Variants in SLC39A8 observed in about 807,000 individuals in gnomAD.
The protein encoded by SLC39A8 is solute carrier family 39 member 8.
A neutral mutation model predicts 40.4 loss-of-function variants in SLC39A8; 15 were observed. That is an observed-to-expected ratio of 0.37 (90% CI 0.25 to 0.57). The LOEUF (loss-of-function observed/expected upper bound fraction) is 0.57. SLC39A8 is among the 20% of genes least tolerant of loss of function. The pLI is 0.75. For synonymous variants in SLC39A8, 223 were observed against 221.6 expected (o/e 1.01, Z -0.06); for missense variants, 472 against 558.8 (o/e 0.84, Z 1.57).
intron 6 of SLC39A8, among the ~76,000 whole-genome samples, chr4:102,301,597 T>C (rs1451499504): frequency 1.3e-5 from 2 of 152,080 alleles, no homozygotes; most frequent in Non-Finnish European, 2.9e-5. Flanking sequence ...GAACAGGAAC[T>C]CAATAAATGT....
intron 6 of SLC39A8, among the ~76,000 whole-genome samples, chr4:102,280,491 T>C (rs566278875): frequency 6.6e-6 from 1 of 152,222 alleles, no homozygotes; most frequent in East Asian, 1.9e-4. Flanking sequence ...TTAAAAAGAG[T>C]TAAACGCATT....
intron 4 of SLC39A8, among the ~76,000 whole-genome samples, 168 bp downstream of exon 4, chr4:102,307,268 A>C (rs1007791295): frequency 6.6e-6 from 1 of 152,094 alleles, no homozygotes; most frequent in African/African-American, 2.4e-5. Context: ...TATCCACTGC[A>C]GCTTGGGACA....
intron 2 of SLC39A8, among the ~76,000 whole-genome samples, chr4:102,323,634 C>T (rs1578616511): frequency 1.3e-5 from 2 of 152,150 alleles, no homozygotes; most frequent in African/African-American, 2.4e-5. Context: ...ATGCTTAACA[C>T]GTATAACCTC....
chr4:102,257,153 A>G (rs988080063), downstream of SLC39A8, among the ~76,000 whole-genome samples: 2 of 151,294 alleles, frequency 1.3e-5, no homozygotes, highest in East Asian at 1.9e-4. Context: ...TGGATTTTCT[A>G]TGTCTTTTTT....
chr4:102,344,843 T>C lies in SLC39A8; in HGVS notation c.-181A>G. On this transcript the variant is annotated 5_prime_UTR_variant, in exon 2 of 9. Transcript: ENST00000356736. ...TTCGAAAGAACAGCAGCTCGCGACC[T>C]GCGGGGCATTGAAGTGGCAGCGTAG... is the stretch of plus-strand genomic sequence containing the variant. The C allele has an allele frequency of 1.5e-6, 2 of 1,316,858 alleles. No homozygotes were observed. The highest frequency in any genetic ancestry group is 9.6e-7 in the Non-Finnish European group (1 of 1,038,416). The allele number at this position is 1,316,858 out of a possible 1,614,324, so 81.6% of individuals were successfully genotyped here.
chr4:102,284,101 T>C (rs549760567), intron 6 of SLC39A8, among the ~76,000 whole-genome samples: 2 of 152,332 alleles, frequency 1.3e-5, no homozygotes, highest in East Asian at 3.9e-4. Context: ...TTAAAATTTA[T>C]TTTTGTATTT....
At chr4:102,294,082 A>C (rs12649383) in intron 6 of SLC39A8, among the ~76,000 whole-genome samples, 35,926 of 151,806 alleles carry the variant, frequency 0.24, 4,932 homozygotes, top group East Asian at 0.41. Flanking sequence ...AAAATAAATT[A>C]AACTTAAAAT....
At chr4:102,271,353 T>G (rs560140579) in intron 6 of SLC39A8, among the ~76,000 whole-genome samples, 1 of 152,018 alleles carries the variant, frequency 6.6e-6, no homozygotes, top group Non-Finnish European at 1.5e-5. Context: ...GAGGATAGCT[T>G]CAGTAATAAA....
At chr4:102,307,669 T>C in intron 3 of SLC39A8, 64 bp from the exon 4 acceptor site, 1 of 1,512,272 alleles carries the variant, frequency 6.6e-7, no homozygotes, top group Non-Finnish European at 9.0e-7. Context: ...GATGTTTTCC[T>C]GTACATTAAG....
intron 6 of SLC39A8, among the ~76,000 whole-genome samples, chr4:102,298,174 TA>T (rs201776889): frequency 3.6e-4 from 53 of 147,384 alleles, no homozygotes; most frequent in Non-Finnish European, 6.6e-4. Context: ...TGTGGAGTAA[TA>T]AAAAAAAAAC....
intron 2 of SLC39A8, among the ~76,000 whole-genome samples, chr4:102,341,076 G>GAA (rs397811698): frequency 6.6e-6 from 1 of 151,914 alleles, no homozygotes; most frequent in Admixed American, 6.6e-5. Flanking sequence ...TGCCAGCTGA[G>GAA]ACAGTTCATG....
intron 2 of SLC39A8, among the ~76,000 whole-genome samples, chr4:102,322,186 C>G (rs1734994436): frequency 6.6e-6 from 1 of 152,114 alleles, no homozygotes; most frequent in Non-Finnish European, 1.5e-5. Flanking sequence ...TCCACTAGTC[C>G]TGCTGTGAGT....
chr4:102,344,849 G>A lies in SLC39A8; in HGVS notation c.-187C>T. On this transcript the variant is annotated 5_prime_UTR_variant, in exon 2 of 9. Transcript: ENST00000356736. ...AGAACAGCAGCTCGCGACCTGCGGGGCATTGAAGTGGCAGCGTAGCCGAGG... is the reference window on the plus strand; with the variant it reads ...AGAACAGCAGCTCGCGACCTGCGGGACATTGAAGTGGCAGCGTAGCCGAGG... 7.6e-7 allele frequency: 1 copy of A among 1,315,666 alleles called. No homozygotes were observed. The highest frequency in any genetic ancestry group is 9.6e-7 in the Non-Finnish European group (1 of 1,037,988). 81.5% of individuals were successfully genotyped at this position (1,315,666 alleles called of 1,614,324 possible).
intron 6 of SLC39A8, among the ~76,000 whole-genome samples, chr4:102,284,527 A>G (rs1733067493): frequency 1.3e-5 from 2 of 152,218 alleles, no homozygotes; most frequent in Admixed American, 6.5e-5. Flanking sequence ...ATGACTGAAT[A>G]CCATCTTCCT....
Position 102,342,389 on chromosome 4 carries a change from C to A in SLC39A8, c.219+2055G>T, listed in dbSNP as rs566386179. 1.6e-4 allele frequency among the ~76,000 whole-genome samples: 24 copies of A among 152,242 alleles called. No individual in the cohort carries two copies. The East Asian group carries it at 4.3e-3, about 27-fold the overall frequency. ...TGGCACACGCCTGTAATCCCAGCTACCTGGAAGGCTGAGGCAGGAGAATTG... is the reference window on the plus strand; with the variant it reads ...TGGCACACGCCTGTAATCCCAGCTAACTGGAAGGCTGAGGCAGGAGAATTG... On this transcript the variant is annotated intron_variant, in intron 2 of 8. Coordinates refer to ENST00000356736, the MANE Select transcript of SLC39A8 (RefSeq NM_001135146.2).
chr4:102,304,528 A>G (rs1444413064), intron 5 of SLC39A8, 47 bp from the exon 6 acceptor site: 5 of 1,493,148 alleles, frequency 3.3e-6, no homozygotes, highest in Non-Finnish European at 4.6e-6. Flanking sequence ...AAAAAAGATG[A>G]TTCATACAGA....
At chr4:102,330,055 A>G (rs1464045341) in intron 2 of SLC39A8, among the ~76,000 whole-genome samples, 2 of 152,258 alleles carry the variant, frequency 1.3e-5, no homozygotes, top group Non-Finnish European at 2.9e-5. Flanking sequence ...TTAAGTATCC[A>G]CAGGAGAAAG....
At chr4:102,258,112 T>G (rs1009326436), downstream of SLC39A8, among the ~76,000 whole-genome samples, 6 of 144,142 alleles carry the variant, frequency 4.2e-5, no homozygotes, top group Non-Finnish European at 9.2e-5. Context: ...TTGTTTTTTG[T>G]TTTTTTTTTT....
chr4:102,319,098 A>G (rs1206183323), intron 2 of SLC39A8, among the ~76,000 whole-genome samples: 1 of 152,226 alleles, frequency 6.6e-6, no homozygotes, highest in Non-Finnish European at 1.5e-5. Flanking sequence ...ATATATTACA[A>G]AAGAGACCGC....
Sources: allele counts gnomAD v4.1 joint callset (sites outside exome capture counted in the v4.1 genomes callset), GRCh38; gene constraint gnomAD v4.1.1; transcripts MANE v1.5; gene names NCBI Gene and HGNC (gene_info 2026-07-23, HGNC 2026-07-21).